TMEM150C: variants seen among roughly 807,000 people sequenced by gnomAD.
TMEM150C encodes transmembrane protein 150C.
A neutral mutation model predicts 29.9 loss-of-function variants in TMEM150C; 10 were observed. The observed-to-expected ratio is 0.33, with a 90% CI of 0.21 to 0.57. The LOEUF (loss-of-function observed/expected upper bound fraction) is 0.57, where lower values mean the gene tolerates loss of function less well. Ranked by LOEUF, TMEM150C falls within the 20% of genes least tolerant of loss-of-function variation. TMEM150C has a pLI of 0.88. For missense variants in TMEM150C, 251 were observed against 303.6 expected (o/e 0.83, Z 1.29); for synonymous variants, 101 against 112.5 (o/e 0.90, Z 0.64).
In TMEM150C at chr4:82,521,488, T is replaced by C. The variant is rs549238441; in HGVS notation, c.-10-16821A>G. On this transcript the variant is annotated intron_variant, in intron 1 of 7. Transcript: ENST00000449862. ...AATAACTACAGCATGCGGAACAGCC[T>C]GAAAATTGCCATACACACATAGAAG... is the stretch of plus-strand genomic sequence containing the variant. Among the ~76,000 whole-genome samples the C allele has an allele frequency of 1.4e-4, 22 of 152,298 alleles. No individual in the cohort carries two copies. In the East Asian group the frequency reaches 3.9e-3, roughly 27 times the overall value.
At chr4:82,550,740 A>T (rs1430584403) in intron 1 of TMEM150C, among the ~76,000 whole-genome samples, 1 of 151,956 alleles carries the variant, frequency 6.6e-6, no homozygotes, top group Non-Finnish European at 1.5e-5. Context: ...CAGTGAGCCG[A>T]GATCGCACCA....
Position 82,483,384 on chromosome 4 carries a change from AAAAG to A in TMEM150C, c.*2123_*2126del, listed in dbSNP as rs1377630987. 2 of 152,366 alleles carry A rather than the reference AAAAG, an allele frequency of 1.3e-5. No individual in the cohort carries two copies. Among genetic ancestry groups the A allele is most frequent in the East Asian group, 3.9e-4 (2 of 5,190 alleles). The allele number at this position is 152,366 out of a possible 1,614,324, so 9.4% of individuals were successfully genotyped here. ...AAAATTTTAAAATATAAAAATGAAA[AAAAG>A]AAACCCAAAAGCAGTATTCAAAACT... is the stretch of plus-strand genomic sequence containing the variant. On this transcript the variant is annotated 3_prime_UTR_variant, in exon 8 of 8. Transcript: ENST00000449862.
chr4:82,495,144 G>A (rs1183536172), intron 6 of TMEM150C: 5 of 520,454 alleles, frequency 9.6e-6, no homozygotes, highest in Non-Finnish European at 1.6e-5. Context: ...ATCTTCTTTA[G>A]AGACACTGAA....
At chr4:82,512,836 C>A (rs891094402) in intron 1 of TMEM150C, among the ~76,000 whole-genome samples, 1 of 152,064 alleles carries the variant, frequency 6.6e-6, no homozygotes, top group African/African-American at 2.4e-5. Flanking sequence ...AAAGCCACTT[C>A]AAAAAAGATG....
At chr4:82,528,389 C>T (rs1006511729) in intron 1 of TMEM150C, among the ~76,000 whole-genome samples, 16 of 152,254 alleles carry the variant, frequency 1.1e-4, no homozygotes, top group African/African-American at 3.4e-4. Flanking sequence ...CTACAAGTTC[C>T]CAGGTGATGC....
rs1013565326 is a variant in TMEM150C at position 82,504,558 on chromosome 4, T to G, written c.80+20A>C. 2 of 1,599,424 alleles carry G rather than the reference T, an allele frequency of 1.3e-6. No homozygotes were observed. ...ACATTGCACCTGAATCCTTAAATAATTAAATGAGCAAATACTCACACTATC... is the reference window on the plus strand; with the variant it reads ...ACATTGCACCTGAATCCTTAAATAAGTAAATGAGCAAATACTCACACTATC... On this transcript the variant is annotated intron_variant, in intron 2 of 7. Coordinates refer to ENST00000449862, the MANE Select transcript of TMEM150C (RefSeq NM_001080506.3).
intron 1 of TMEM150C, among the ~76,000 whole-genome samples, chr4:82,533,183 T>C (rs1284712991): frequency 1.2e-5 from 1 of 86,928 alleles, no homozygotes; most frequent in Non-Finnish European, 2.0e-5. Context: ...TGGTTATAAC[T>C]ATAACATCTG....
At chr4:82,504,329 G>A (rs575276864) in intron 2 of TMEM150C, among the ~76,000 whole-genome samples, 2 of 152,144 alleles carry the variant, frequency 1.3e-5, no homozygotes, top group South Asian at 2.1e-4. Context: ...TCAGCCCCCC[G>A]AGTAGCTGGG....
intron 1 of TMEM150C, among the ~76,000 whole-genome samples, chr4:82,511,870 G>T (rs1724138219): frequency 6.6e-6 from 1 of 152,190 alleles, no homozygotes; most frequent in African/African-American, 2.4e-5. Flanking sequence ...ATCCTCTTCA[G>T]AGTCCGTTTA....
intron 1 of TMEM150C, among the ~76,000 whole-genome samples, chr4:82,547,250 T>C (rs1284955216): frequency 2.0e-5 from 3 of 149,486 alleles, no homozygotes; most frequent in African/African-American, 7.4e-5. Flanking sequence ...AACACACACG[T>C]CTCAAAAAAA....
intron 6 of TMEM150C, among the ~76,000 whole-genome samples, chr4:82,491,985 G>A (rs1723367182): frequency 6.6e-6 from 1 of 150,960 alleles, no homozygotes; most frequent in Non-Finnish European, 1.5e-5. Context: ...TGTCGCCCAG[G>A]CTGGAGTGCA....
chr4:82,491,424 T>G (rs1281358735), intron 6 of TMEM150C: 1 of 673,388 alleles, frequency 1.5e-6, no homozygotes, highest in East Asian at 2.6e-5. Context: ...CAGCCGCTTA[T>G]AGAGGATGGC....
At chr4:82,493,804 A>G (rs1723451207) in intron 6 of TMEM150C, among the ~76,000 whole-genome samples, 1 of 152,198 alleles carries the variant, frequency 6.6e-6, no homozygotes, top group Non-Finnish European at 1.5e-5. Flanking sequence ...TAAACTCTCA[A>G]ATATTCTCCT....
intron 1 of TMEM150C, among the ~76,000 whole-genome samples, chr4:82,549,791 C>T (rs982257955): frequency 6.6e-6 from 1 of 152,088 alleles, no homozygotes; most frequent in African/African-American, 2.4e-5. Flanking sequence ...AGAGATCGAC[C>T]TTAATTTATT....
chr4:82,540,117 T>C (rs59847512), intron 1 of TMEM150C, among the ~76,000 whole-genome samples: 2,696 of 52,248 alleles, frequency 0.052, 66 homozygotes, highest in African/African-American at 0.23. Context: ...ACCTATTCTT[T>C]TTTTTTTTTT....
intron 1 of TMEM150C, among the ~76,000 whole-genome samples, chr4:82,513,389 C>T (rs1446429022): frequency 2.0e-5 from 3 of 151,836 alleles, no homozygotes; most frequent in African/African-American, 2.4e-5. Flanking sequence ...AAAGGAATAG[C>T]GGGAATGAGG....
At chr4:82,543,108 G>A (rs948760964) in intron 1 of TMEM150C, among the ~76,000 whole-genome samples, 5 of 152,114 alleles carry the variant, frequency 3.3e-5, no homozygotes, top group South Asian at 4.1e-4. Context: ...CCAACATCAC[G>A]TTGCTGGGAA....
At position 82,504,636 on chromosome 4, in the gene TMEM150C, C is replaced by T. The variant is rs201246065; in HGVS notation, c.22G>A (p.Val8Ile). ...AATACAAGAGGTAGGAACATCCATA[C>T]GCTGCATTTCTTCCCATCCATGCCT... is the stretch of plus-strand genomic sequence containing the variant. MDGKKCS[V>I]WMFLPLVFTL... Residue 8 changes from valine to isoleucine, a missense_variant, in exon 2 of 8, where the codon GTA (valine) becomes ATA (isoleucine). Val to Ile is a conservative substitution (Grantham distance 29). Coordinates refer to ENST00000449862, the MANE Select transcript of TMEM150C (RefSeq NM_001080506.3). 515 of 1,613,542 alleles carry T rather than the reference C, an allele frequency of 3.2e-4. No homozygotes were observed. The highest frequency in any genetic ancestry group is 3.9e-4 in the Non-Finnish European group (457 of 1,179,736).
At chr4:82,492,983 A>T (rs1045346067) in intron 6 of TMEM150C, among the ~76,000 whole-genome samples, 31 of 149,318 alleles carry the variant, frequency 2.1e-4, no homozygotes, top group Admixed American at 1.9e-3. Flanking sequence ...ACATATTTTT[A>T]AAAAATTTTC....
Sources: allele counts gnomAD v4.1 joint callset (sites outside exome capture counted in the v4.1 genomes callset), GRCh38; gene constraint gnomAD v4.1.1; transcripts MANE v1.5; gene names NCBI Gene and HGNC (gene_info 2026-07-23, HGNC 2026-07-21).